The following PHF23 variants were observed in gnomAD, a reference collection of about 807,000 sequenced individuals.
PHF23 encodes PHD finger protein 23.
In PHF23, 3 loss-of-function variants were observed where a neutral mutation model predicts 36.0. That is an observed-to-expected ratio of 0.08 (90% CI 0.04 to 0.22). PHF23 has a LOEUF of 0.22. PHF23 is among the 10% of genes least tolerant of loss of function. The pLI is 1.00. For synonymous variants in PHF23, 242 were observed against 192.5 expected (o/e 1.26, Z -2.13); for missense variants, 475 against 513.6 (o/e 0.92, Z 0.73).
rs758102405 is a variant in PHF23 at position 7,239,324 on chromosome 17, C to T, written c.-45G>A. The T allele has an allele frequency of 4.9e-6, 5 of 1,015,570 alleles. No homozygotes were observed. The South Asian group carries it at 6.8e-5, about 14-fold the overall frequency. 62.9% of individuals were successfully genotyped at this position (1,015,570 alleles called of 1,614,324 possible). Reference sequence around the variant, plus strand: ...GGTCCGGCGCCCCCCTCCCCGGAGCCGGGGATCCCGGTGCCGCCTCTAGTG... The same window carrying T: ...GGTCCGGCGCCCCCCTCCCCGGAGCTGGGGATCCCGGTGCCGCCTCTAGTG... On this transcript the variant is annotated 5_prime_UTR_variant, in exon 1 of 5. Coordinates refer to ENST00000320316, the MANE Select transcript of PHF23 (RefSeq NM_024297.3).
chr17:7,238,048 C>G, intron 1 of PHF23: 1 of 220,836 alleles, frequency 4.5e-6, no homozygotes, highest in Non-Finnish European at 8.8e-6. Context: ...GCCCCGAGTT[C>G]CTACCCGGCC....
Position 7,237,390 on chromosome 17 carries a change from T to C in PHF23, c.154A>G (p.Lys52Glu). The change falls in exon 3 of 5, where the codon AAA becomes GAA. Residue 52 changes from lysine (K) to glutamate (E), a missense_variant. Lys to Glu is a moderately conservative substitution (Grantham distance 56). Transcript: ENST00000320316. Reference protein sequence around the residue: ...LAYAGYIPPSKEESDWPASGS... With the variant: ...LAYAGYIPPSEEESDWPASGS... ...AGTAATTCTCTTGCCCCTACCTCTTTGCTAGGGGGAATGTAACCAGCATAT... is the reference window on the plus strand; with the variant it reads ...AGTAATTCTCTTGCCCCTACCTCTTCGCTAGGGGGAATGTAACCAGCATAT... 2 of 1,612,024 alleles carry C rather than the reference T, an allele frequency of 1.2e-6. No homozygotes were observed. Among genetic ancestry groups the C allele is most frequent in the Non-Finnish European group, 1.7e-6 (2 of 1,178,130 alleles).
chr17:7,238,783 C>T (rs2071735346), intron 1 of PHF23: 3 of 1,534,630 alleles, frequency 2.0e-6, no homozygotes, highest in African/African-American at 1.4e-5. Flanking sequence ...ACTACCTGCC[C>T]ACCTCTCCGA....
At position 7,236,887 on chromosome 17, in the gene PHF23, A is replaced by C; in HGVS notation, c.160-120T>G. On this transcript the variant is annotated intron_variant, in intron 3 of 4. Coordinates refer to ENST00000320316, the MANE Select transcript of PHF23 (RefSeq NM_024297.3). The surrounding 1 kb of genome is among the most constrained non-coding windows in gnomAD (Gnocchi z 5.1). ...CAAAATGTCCTACCTCAACCACTAA[A>C]TCCCACTGTACTCCAAAAACTTCTC... The C allele has an allele frequency of 6.9e-7, 1 of 1,452,068 alleles. No homozygotes were observed. The highest frequency in any genetic ancestry group is 9.0e-7 in the Non-Finnish European group (1 of 1,110,246). 89.9% of individuals were successfully genotyped at this position (1,452,068 alleles called of 1,614,324 possible).
chr17:7,237,958 A>G, intron 1 of PHF23: 1 of 348,358 alleles, frequency 2.9e-6, no homozygotes, highest in South Asian at 2.9e-5. Context: ...CGGATCCCTC[A>G]GCGCCCCACC....
chr17:7,235,964 C>T lies in PHF23; in HGVS notation c.963G>A (p.Met321Ile). 2 of 1,612,672 alleles carry T rather than the reference C, an allele frequency of 1.2e-6. No homozygotes were observed. Among genetic ancestry groups the T allele is most frequent in the Non-Finnish European group, 1.7e-6 (2 of 1,179,088 alleles). ...CCATGATGTCCTCGTCCATGACCCG[C>T]ATCTCGCCTTCACTGGAGCTGGCAT... ...DGDASSSEGE[M>I]RVMDEDIMVE... The change falls in exon 4 of 5, where the codon ATG becomes ATA. Residue 321 changes from methionine to isoleucine, a missense_variant. Physicochemically the swap from Met to Ile is conservative, Grantham distance 10. Around this residue, in one of 5 missense-constraint regions of PHF23, gnomAD observed 40 missense variants for 111.0 expected, o/e 0.36. Coordinates refer to ENST00000320316, the MANE Select transcript of PHF23 (RefSeq NM_024297.3).
intron 1 of PHF23, 23 bp downstream of exon 1, chr17:7,239,223 C>A (rs904205404): frequency 3.3e-6 from 5 of 1,504,328 alleles, no homozygotes; most frequent in Non-Finnish European, 4.6e-6. Context: ...CGGCTCAGCG[C>A]TCTGCACCGG....
intron 1 of PHF23, 165 bp downstream of exon 1, chr17:7,239,079 CTT>C (rs1223333374): frequency 4.2e-6 from 5 of 1,198,948 alleles, no homozygotes; most frequent in Non-Finnish European, 5.7e-6. Context: ...TCCCACTCCT[CTT>C]TCTCCAAGGT....
intron 1 of PHF23, 123 bp downstream of exon 1, chr17:7,239,123 C>T (rs2071742569): frequency 9.8e-7 from 1 of 1,022,946 alleles, no homozygotes. Context: ...ACCTCCAGGG[C>T]CAGCCTCCCG....
rs769882499 is a variant in PHF23, at chr17:7,236,092, G to A, written c.835C>T (p.Pro279Ser). ...EAPVPVLPTPPEAPRPPATVH... is the reference protein window; with the variant it reads ...EAPVPVLPTPSEAPRPPATVH... ...GTGGCAGGGGGCCTAGGAGCCTCAG[G>A]GGGTGTTGGCAGCACAGGGACTGGG... is the stretch of plus-strand genomic sequence containing the variant. The change falls in exon 4 of 5, where the codon CCT (proline) becomes TCT (serine). Residue 279 changes from proline to serine, a missense_variant. This residue lies in a region of PHF23 where 350 missense variants were observed against 319.8 expected (regional missense o/e 1.09). Coordinates refer to ENST00000320316, the MANE Select transcript of PHF23 (RefSeq NM_024297.3). This position sits in a 1 kb window ranked among gnomAD's most constrained non-coding sequence, Gnocchi z 5.1. 3.7e-6 allele frequency: 6 copies of A among 1,613,134 alleles called. No homozygotes were observed. The African/African-American group carries it at 8.0e-5, about 22-fold the overall frequency.
chr17:7,238,922 C>T lies in PHF23; in HGVS notation c.34+324G>A, dbSNP rs1042753252. ...TACGTCCTCCCTCCTGAGCAACTCT[C>T]CGGCCACTGGATTCCCCTAACCTTC... On this transcript the variant is annotated intron_variant, in intron 1 of 4. Coordinates refer to ENST00000320316, the MANE Select transcript of PHF23 (RefSeq NM_024297.3). The T allele has an allele frequency of 4.9e-5, 74 of 1,525,686 alleles. No homozygotes were observed. The South Asian group carries it at 8.7e-4, about 18-fold the overall frequency. 94.5% of individuals were successfully genotyped at this position (1,525,686 alleles called of 1,614,324 possible).
At chr17:7,238,011 C>T (rs2071710384) in intron 1 of PHF23, 1 of 259,382 alleles carries the variant, frequency 3.9e-6, no homozygotes, top group Non-Finnish European at 7.3e-6. Flanking sequence ...CGCCGCCAGC[C>T]GCCCCCGTCC....
chr17:7,235,504 C>G lies in PHF23; in HGVS notation c.*122G>C. The G allele has an allele frequency of 9.9e-7, 1 of 1,009,252 alleles. No homozygotes were observed. The allele number at this position is 1,009,252 out of a possible 1,614,324, so 62.5% of individuals were successfully genotyped here. On this transcript the variant is annotated 3_prime_UTR_variant, in exon 5 of 5. Coordinates refer to ENST00000320316, the MANE Select transcript of PHF23 (RefSeq NM_024297.3). ...GACACTCATTTTCAAACAAGTCTCC[C>G]TTGAGAATTCCTGCCTTGAAGTGCA...
chr17:7,237,836 G>A (rs924080722), intron 1 of PHF23, 176 bp from the exon 2 acceptor site: 9 of 719,722 alleles, frequency 1.3e-5, no homozygotes, highest in Non-Finnish European at 1.8e-5. Flanking sequence ...CGCGAGGGGC[G>A]GAGCCTGGGC....
At chr17:7,237,736 C>A in intron 1 of PHF23, 76 bp from the exon 2 acceptor site, 1 of 1,529,762 alleles carries the variant, frequency 6.5e-7, no homozygotes, top group Non-Finnish European at 9.1e-7. Context: ...CCCCGTTGTT[C>A]CTAAGTGAAC....
rs775574963 is a variant in PHF23, at chr17:7,236,381, G to A, written c.546C>T (p.Asp182=). Residue 182 remains aspartate, a synonymous_variant, in exon 4 of 5, where the codon GAC becomes GAT. Coordinates refer to ENST00000320316, the MANE Select transcript of PHF23 (RefSeq NM_024297.3). This position sits in a 1 kb window ranked among gnomAD's most constrained non-coding sequence, Gnocchi z 5.1. ...GDLSHPPRKK[D]RKNRKLGPGA... is the part of the protein sequence containing the mutation. ...CTGGCCCCAACTTTCGGTTCTTTCG[G>A]TCCTTCTTTCGAGGAGGATGGGAGA... 1.9e-6 allele frequency: 3 copies of A among 1,614,110 alleles called. No homozygotes were observed. Among genetic ancestry groups the A allele is most frequent in the Non-Finnish European group, 2.5e-6 (3 of 1,180,050 alleles).
rs2071640265 is a variant in PHF23 at position 7,235,587 on chromosome 17, A to G, written c.*39T>C. On this transcript the variant is annotated 3_prime_UTR_variant, in exon 5 of 5. Transcript: ENST00000320316. ...GACCCTGAGGCTCAGTTCCCAAATCATGTTGTCATTTGGAAGTTCCAGGCT... is the reference window on the plus strand; with the variant it reads ...GACCCTGAGGCTCAGTTCCCAAATCGTGTTGTCATTTGGAAGTTCCAGGCT... 13 of 1,600,620 alleles carry G rather than the reference A, an allele frequency of 8.1e-6. No individual in the cohort carries two copies. Among genetic ancestry groups the G allele is most frequent in the Non-Finnish European group, 1.1e-5 (13 of 1,174,662 alleles).
At position 7,237,369 on chromosome 17, in the gene PHF23, A is replaced by G; in HGVS notation, c.159+16T>C. 6.2e-7 allele frequency: 1 copy of G among 1,600,592 alleles called. No individual in the cohort carries two copies. ...CCACCACACCAGCCTCAAGTCAGTA[A>G]TTCTCTTGCCCCTACCTCTTTGCTA... On this transcript the variant is annotated intron_variant, in intron 3 of 4. Transcript: ENST00000320316.
At chr17:7,238,493 C>A in intron 1 of PHF23, 1 of 884,334 alleles carries the variant, frequency 1.1e-6, no homozygotes, top group Non-Finnish European at 1.4e-6. Context: ...AACTCTGGCC[C>A]CTTCCCCCCA....
Sources: gnomAD v4.1 joint callset for allele counts on GRCh38, gnomAD v4.1.1 for gene constraint, gnomAD v4.1.1 regional missense constraint, Gnocchi (gnomAD v3.1) non-coding constraint, MANE v1.5 for transcripts, NCBI Gene and HGNC (gene_info 2026-07-23, HGNC 2026-07-21) for gene names.